SLC8A1: variants seen among roughly 807,000 people sequenced by gnomAD.
SLC8A1 encodes the protein solute carrier family 8 member A1.
In SLC8A1, 18 loss-of-function variants were observed where a neutral mutation model predicts 68.3. The observed-to-expected ratio is 0.26, with a 90% confidence interval of 0.18 to 0.39. The LOEUF (loss-of-function observed/expected upper bound fraction) is 0.39. SLC8A1 is among the 10% of genes least tolerant of loss of function. The pLI is 1.00. For synonymous variants in SLC8A1, 475 were observed against 415.5 expected (o/e 1.14, Z -1.74); for missense variants, 985 against 1,156.7 (o/e 0.85, Z 2.15).
intron 2 of SLC8A1, among the ~76,000 whole-genome samples, chr2:40,261,752 G>A (rs571635126): frequency 2.4e-5 from 3 of 127,344 alleles, no homozygotes; most frequent in Admixed American, 8.0e-5. Flanking sequence ...TGCCACAGTC[G>A]TTGCACTGTG....
At chr2:40,327,886 C>T (rs1391821881) in intron 2 of SLC8A1, among the ~76,000 whole-genome samples, 1 of 151,628 alleles carries the variant, frequency 6.6e-6, no homozygotes, top group Non-Finnish European at 1.5e-5. Context: ...TGCACATGTA[C>T]CCCATGAATC....
intron 1 of SLC8A1, among the ~76,000 whole-genome samples, chr2:40,471,447 C>T (rs985334488): frequency 3.3e-5 from 5 of 152,248 alleles, no homozygotes; most frequent in African/African-American, 1.2e-4. Flanking sequence ...CCTCATCCAT[C>T]AATGTCTAAA....
At chr2:40,140,194 A>G (rs1279194557) in intron 6 of SLC8A1, among the ~76,000 whole-genome samples, 1 of 152,206 alleles carries the variant, frequency 6.6e-6, no homozygotes, top group Admixed American at 6.5e-5. Flanking sequence ...CTCCAGCGTC[A>G]TCTCCTGCAA....
chr2:40,113,846 G>C (rs975973303), exon 8 of SLC8A1: 4 of 152,714 alleles, frequency 2.6e-5, no homozygotes, highest in Non-Finnish European at 4.4e-5. Context: ...AGAGGCCTCT[G>C]ATGTGTTCCA....
intron 1 of SLC8A1, among the ~76,000 whole-genome samples, chr2:40,440,814 C>T (rs1700323009): frequency 6.6e-6 from 1 of 152,116 alleles, no homozygotes; most frequent in Non-Finnish European, 1.5e-5. Flanking sequence ...AAGCCAATAG[C>T]CAATATCATA....
At chr2:40,170,607 G>A (rs1573510135) in intron 4 of SLC8A1, among the ~76,000 whole-genome samples, 1 of 152,254 alleles carries the variant, frequency 6.6e-6, no homozygotes, top group Non-Finnish European at 1.5e-5. Flanking sequence ...CAAACCACAA[G>A]CCCCATGGTA....
chr2:40,266,352 A>G (rs1029506477), intron 2 of SLC8A1, among the ~76,000 whole-genome samples: 1 of 152,140 alleles, frequency 6.6e-6, no homozygotes, highest in Non-Finnish European at 1.5e-5. Flanking sequence ...GACTAGCTAT[A>G]TCACTCTGAA....
intron 2 of SLC8A1, among the ~76,000 whole-genome samples, chr2:40,256,867 A>G (rs528799593): frequency 1.3e-3 from 193 of 152,102 alleles, no homozygotes; most frequent in African/African-American, 4.4e-3. Context: ...AGCCTTTTGC[A>G]TTACTCTCTG....
intron 1 of SLC8A1, among the ~76,000 whole-genome samples, chr2:40,496,241 A>G (rs1705693044): frequency 6.6e-6 from 1 of 152,122 alleles, no homozygotes; most frequent in Admixed American, 6.6e-5. Flanking sequence ...TTTACTTGGC[A>G]TGTCTGCCCG....
intron 2 of SLC8A1, among the ~76,000 whole-genome samples, chr2:40,382,517 G>C (rs1682181156): frequency 6.6e-6 from 1 of 152,024 alleles, no homozygotes; most frequent in Non-Finnish European, 1.5e-5. Context: ...TAAGAAACAA[G>C]CAGAATGCCT....
chr2:40,336,161 G>T (rs948795234), intron 2 of SLC8A1, among the ~76,000 whole-genome samples: 2 of 152,168 alleles, frequency 1.3e-5, no homozygotes, highest in African/African-American at 2.4e-5. Flanking sequence ...GATGAATTTG[G>T]CCATCCTAAT....
chr2:40,208,061 C>A (rs1390189207), intron 2 of SLC8A1, among the ~76,000 whole-genome samples: 1 of 152,100 alleles, frequency 6.6e-6, no homozygotes, highest in East Asian at 1.9e-4. Flanking sequence ...CTGTTACATA[C>A]ATGTATATTC....
intron 2 of SLC8A1, among the ~76,000 whole-genome samples, chr2:40,305,775 C>T (rs2072461245): frequency 6.6e-6 from 1 of 152,138 alleles, no homozygotes; most frequent in African/African-American, 2.4e-5. Flanking sequence ...AGAAAGAAGC[C>T]TCCTTATTTT....
intron 2 of SLC8A1, among the ~76,000 whole-genome samples, chr2:40,257,361 A>G (rs1041248508): frequency 6.7e-6 from 1 of 148,278 alleles, no homozygotes; most frequent in African/African-American, 2.4e-5. Flanking sequence ...GAGGAAACCG[A>G]AGACATGATA....
At chr2:40,450,349 T>C (rs1010465853) in intron 1 of SLC8A1, among the ~76,000 whole-genome samples, 2 of 122,020 alleles carry the variant, frequency 1.6e-5, no homozygotes, top group Non-Finnish European at 4.3e-5. Flanking sequence ...AGAAAGCATG[T>C]GAGTGTGTGT....
chr2:40,412,452 A>G (rs1410413821), intron 2 of SLC8A1, among the ~76,000 whole-genome samples: 16 of 152,192 alleles, frequency 1.1e-4, no homozygotes, highest in Admixed American at 1.0e-3. Context: ...GGAAATAACT[A>G]GCAAGTTATA....
intron 7 of SLC8A1, among the ~76,000 whole-genome samples, chr2:40,134,834 T>G (rs1212965024): frequency 6.6e-6 from 1 of 152,134 alleles, no homozygotes; most frequent in African/African-American, 2.4e-5. Flanking sequence ...TTCTAGGCAC[T>G]AGATTAGTGG....
chr2:40,329,060 T>TCACA (rs70957170), intron 2 of SLC8A1, among the ~76,000 whole-genome samples: 3,502 of 141,198 alleles, frequency 0.025, 55 homozygotes, highest in Non-Finnish European at 0.029. Flanking sequence ...CACTACAACC[T>TCACA]CACACACACA....
intron 1 of SLC8A1, among the ~76,000 whole-genome samples, chr2:40,480,236 G>C (rs1396963345): frequency 6.6e-6 from 1 of 152,096 alleles, no homozygotes. Context: ...TTGCATCAAA[G>C]ATTAAGCTGT....
Sources: allele counts gnomAD v4.1 joint callset (sites outside exome capture counted in the v4.1 genomes callset), GRCh38; gene constraint gnomAD v4.1.1; transcripts MANE v1.5; gene names NCBI Gene and HGNC (gene_info 2026-07-23, HGNC 2026-07-21).